Variants in XG observed in about 807,000 individuals in gnomAD.
XG encodes Xg glycoprotein (Xg blood group).
Under a neutral mutation model 25.7 loss-of-function variants are expected in XG, and 24 were observed. That is an observed-to-expected ratio of 0.93 (90% confidence interval 0.68 to 1.31). The LOEUF is 1.31. XG is among the 40% of genes most tolerant of loss of function. The probability of loss-of-function intolerance (pLI) is 0.00; values close to 1 mark genes in which losing one functional copy is unlikely to be tolerated. For missense variants in XG, 181 were observed against 187.6 expected (o/e 0.96, Z 0.21); for synonymous variants, 77 against 69.2 (o/e 1.11, Z -0.56).
intron 10 of XG, 151 bp from the exon 11 acceptor site, chrX:2,814,213 A>AT (rs1446349277): frequency 9.0e-6 from 6 of 667,048 alleles, no homozygotes; most frequent in Admixed American, 4.3e-5. Context: ...TTTCTGCTTC[A>AT]TTTTTTTCTG....
chrX:2,776,194 T>C lies in XG; in HGVS notation c.127+1455T>C, dbSNP rs755830067. ...CAGCGACCGAGAGACGGCTAATGCT[T>C]AATAGTCTCTCGGTCCTGAGGAAGG... is the stretch of plus-strand genomic sequence containing the variant. On this transcript the variant is annotated intron_variant, in intron 3 of 10. Transcript: ENST00000644266. Among the ~76,000 whole-genome samples the C allele has an allele frequency of 2.4e-3, 363 of 151,854 alleles. 2 individuals are homozygous for C. Among genetic ancestry groups the C allele is most frequent in the African/African-American group, 8.3e-3 (343 of 41,250 alleles).
chrX:2,814,329 C>A (rs756385850), intron 10 of XG, 35 bp from the exon 11 acceptor site: 55 of 1,179,575 alleles, frequency 4.7e-5, no homozygotes, highest in Non-Finnish European at 5.8e-5. Context: ...TTTTTTTGCC[C>A]CCACAATGAC....
At chrX:2,804,003 C>T (rs986284465) in intron 7 of XG, among the ~76,000 whole-genome samples, 4 of 110,387 alleles carry the variant, frequency 3.6e-5, no homozygotes, top group African/African-American at 1.3e-4. Flanking sequence ...TCACCATGCC[C>T]GGCTAATTTT....
chrX:2,763,072 G>C (rs992545700), intron 1 of XG, among the ~76,000 whole-genome samples: 1 of 152,132 alleles, frequency 6.6e-6, no homozygotes, highest in African/African-American at 2.4e-5. Flanking sequence ...GCAGTGTAGT[G>C]GTGCAATCTT....
chrX:2,815,878 C>T lies in XG; in HGVS notation c.*1498C>T, dbSNP rs1329605935. On this transcript the variant is annotated 3_prime_UTR_variant, in exon 11 of 11. Coordinates refer to ENST00000644266, the MANE Select transcript of XG (RefSeq NM_001141919.2). ...CTTTAATCCATTCCATTTTCTAAAA[C>T]TGTCATAAACTATTTTTAATCATTT... 9.0e-6 allele frequency: 1 copy of T among 110,891 alleles called. No individual in the cohort carries two copies. The highest frequency in any genetic ancestry group is 1.9e-5 in the Non-Finnish European group (1 of 52,958). 9.1% of individuals were successfully genotyped at this position (110,891 alleles called of 1,213,427 possible). A position where few individuals can be genotyped will look rare whatever the true frequency, so the allele number is the denominator to read the frequency against.
rs1228629684 is a variant in XG, at chrX:2,776,190, T to C, written c.127+1451T>C. On this transcript the variant is annotated intron_variant, in intron 3 of 10. Coordinates refer to ENST00000644266, the MANE Select transcript of XG (RefSeq NM_001141919.2). ...AAGCCAGCGACCGAGAGACGGCTAA[T>C]GCTTAATAGTCTCTCGGTCCTGAGG... 2.5e-3 allele frequency among the ~76,000 whole-genome samples: 374 copies of C among 151,890 alleles called. 2 individuals are homozygous for C. Among genetic ancestry groups the C allele is most frequent in the African/African-American group, 8.6e-3 (355 of 41,276 alleles).
chrX:2,764,869 C>T (rs1458268952), intron 1 of XG, among the ~76,000 whole-genome samples: 3 of 150,294 alleles, frequency 2.0e-5, no homozygotes, highest in Non-Finnish European at 4.4e-5. Flanking sequence ...GGTGAAACCC[C>T]GTCATTACTA....
At chrX:2,771,726 T>G (rs2050823858) in intron 2 of XG, among the ~76,000 whole-genome samples, 1 of 152,298 alleles carries the variant, frequency 6.6e-6, no homozygotes, top group South Asian at 2.1e-4. Flanking sequence ...ATGGTGTTTG[T>G]TGGAGGAAGA....
chrX:2,789,520 A>G (rs758460112), intron 4 of XG, 124 bp from the exon 5 acceptor site: 1 of 394,334 alleles, frequency 2.5e-6, no homozygotes, highest in African/African-American at 2.6e-5. Flanking sequence ...CTACATGATT[A>G]ATAAGCTCCG....
chrX:2,756,731 G>C (rs1429388104), intron 1 of XG, among the ~76,000 whole-genome samples: 2 of 152,106 alleles, frequency 1.3e-5, no homozygotes, highest in Non-Finnish European at 2.9e-5. Context: ...GTGCAACAGG[G>C]GTGTGTTTGA....
intron 4 of XG, among the ~76,000 whole-genome samples, chrX:2,785,500 C>T (rs1156751685): frequency 9.0e-6 from 1 of 111,186 alleles, no homozygotes; most frequent in Non-Finnish European, 1.9e-5. Flanking sequence ...AAATGGGAGG[C>T]AGATCTGACT....
At chrX:2,784,321 G>A (rs948170774) in intron 4 of XG, among the ~76,000 whole-genome samples, 2 of 111,019 alleles carry the variant, frequency 1.8e-5, no homozygotes, top group African/African-American at 6.5e-5. Flanking sequence ...GGTGGGTCAC[G>A]TCTGTAATCC....
intron 7 of XG, among the ~76,000 whole-genome samples, chrX:2,805,191 G>T (rs959713484): frequency 3.5e-5 from 4 of 112,748 alleles, no homozygotes; most frequent in East Asian, 2.8e-4. Flanking sequence ...AGGGCTGACC[G>T]TGGCTGGCCG....
chrX:2,770,898 T>C (rs780855071), intron 2 of XG, among the ~76,000 whole-genome samples: 1 of 152,192 alleles, frequency 6.6e-6, no homozygotes, highest in African/African-American at 2.4e-5. Flanking sequence ...CAGACTGGAG[T>C]GCAGTGGTGC....
intron 3 of XG, chrX:2,775,123 G>A (rs981207675): frequency 8.4e-6 from 2 of 237,998 alleles, no homozygotes; most frequent in Admixed American, 9.8e-5. Flanking sequence ...TCCACTCCTA[G>A]GTATGTACTC....
At chrX:2,765,114 A>G (rs908781064) in intron 1 of XG, among the ~76,000 whole-genome samples, 3 of 145,900 alleles carry the variant, frequency 2.1e-5, no homozygotes, top group Non-Finnish European at 4.5e-5. Flanking sequence ...TTGGGAGGCC[A>G]AGGTGGGTGG....
At chrX:2,801,986 C>G (rs113091105) in intron 7 of XG, among the ~76,000 whole-genome samples, 8,157 of 111,143 alleles carry the variant, frequency 0.073, 249 homozygotes, top group South Asian at 0.14. Context: ...GGATTACAGG[C>G]GTGAGCCACC....
At chrX:2,758,082 A>G (rs1228430170) in intron 1 of XG, among the ~76,000 whole-genome samples, 1 of 151,134 alleles carries the variant, frequency 6.6e-6, no homozygotes, top group Non-Finnish European at 1.5e-5. Flanking sequence ...GCCTCATCCT[A>G]CGTCTCAGTT....
At chrX:2,777,483 C>T (rs1318684242) in intron 3 of XG, among the ~76,000 whole-genome samples, 1 of 152,136 alleles carries the variant, frequency 6.6e-6, no homozygotes, top group Non-Finnish European at 1.5e-5. Flanking sequence ...GTCCCAGCTA[C>T]TCAGGAGGCT....
Sources: allele counts gnomAD v4.1 joint callset (sites outside exome capture counted in the v4.1 genomes callset), GRCh38; gene constraint gnomAD v4.1.1; transcripts MANE v1.5; gene names NCBI Gene and HGNC (gene_info 2026-07-23, HGNC 2026-07-21).